YY1: variants seen among roughly 807,000 people sequenced by gnomAD.
The protein encoded by YY1 is transcriptional repressor protein YY1.
Under a neutral mutation model 35.6 loss-of-function variants are expected in YY1, and 2 were observed. The ratio of observed to expected loss-of-function variants is 0.06; its 90% confidence interval spans 0.02 to 0.18. The LOEUF is 0.18. Ranked by LOEUF, YY1 falls within the 10% of genes least tolerant of loss-of-function variation. YY1 has a pLI of 1.00. For synonymous variants in YY1, 268 were observed against 238.9 expected, an observed-to-expected ratio of 1.12 and a Z score of -1.12; for missense variants, 322 against 573.4, an observed-to-expected ratio of 0.56 and a Z score of 4.48.
chr14:100,264,378 T>C (rs1891124628), intron 2 of YY1, among the ~76,000 whole-genome samples: 2 of 152,158 alleles, frequency 1.3e-5, no homozygotes, highest in Non-Finnish European at 2.9e-5. Flanking sequence ...AGTTTCACCA[T>C]GTTGGCCAGC....
intron 2 of YY1, among the ~76,000 whole-genome samples, chr14:100,272,311 A>C (rs1052499941): frequency 6.7e-6 from 1 of 150,212 alleles, no homozygotes; most frequent in African/African-American, 2.4e-5. Context: ...AAAAAAAAAG[A>C]AAGAAAAGGA....
chr14:100,260,936 C>T (rs1351318597), intron 1 of YY1, among the ~76,000 whole-genome samples: 1 of 151,416 alleles, frequency 6.6e-6, no homozygotes, highest in African/African-American at 2.4e-5. Context: ...GCTGGGACTA[C>T]AGGCATGCAC....
At chr14:100,260,359 A>G (rs1286073484) in intron 1 of YY1, among the ~76,000 whole-genome samples, 1 of 150,552 alleles carries the variant, frequency 6.6e-6, no homozygotes, top group Non-Finnish European at 1.5e-5. Flanking sequence ...AGATCTTTTA[A>G]AGGGGATCAA....
At chr14:100,255,097 A>T (rs1890986083) in intron 1 of YY1, among the ~76,000 whole-genome samples, 1 of 151,290 alleles carries the variant, frequency 6.6e-6, no homozygotes, top group South Asian at 2.1e-4. Context: ...GTGCCCAGCC[A>T]GCCTATTTTC....
intron 2 of YY1, among the ~76,000 whole-genome samples, chr14:100,267,494 G>A (rs1891172303): frequency 6.6e-6 from 1 of 151,818 alleles, no homozygotes; most frequent in South Asian, 2.1e-4. Flanking sequence ...GGTGGGTCAA[G>A]GGTTGGGCTC....
At chr14:100,262,265 T>C in intron 1 of YY1, 39 bp from the exon 2 acceptor site, 1 of 1,610,626 alleles carries the variant, frequency 6.2e-7, no homozygotes, top group South Asian at 1.1e-5. Flanking sequence ...TTTTAAAATC[T>C]ATTTACTCAG....
At chr14:100,255,974 C>T (rs1891000004) in intron 1 of YY1, among the ~76,000 whole-genome samples, 1 of 152,094 alleles carries the variant, frequency 6.6e-6, no homozygotes, top group Non-Finnish European at 1.5e-5. Context: ...CTTTCTGGGG[C>T]TTTCAATGCA....
chr14:100,256,204 C>T (rs1314161152), intron 1 of YY1, among the ~76,000 whole-genome samples: 1 of 152,028 alleles, frequency 6.6e-6, no homozygotes, highest in East Asian at 1.9e-4. Flanking sequence ...TCTCTCTGAC[C>T]TAGGTTTCTT....
rs935869103 is a variant in YY1 at position 100,258,588 on chromosome 14, C to T, written c.680-3716C>T. 5.9e-5 allele frequency among the ~76,000 whole-genome samples: 9 copies of T among 152,078 alleles called. No homozygotes were observed. The South Asian group carries it at 6.2e-4, about 10-fold the overall frequency. On this transcript the variant is annotated intron_variant, in intron 1 of 4. Transcript: ENST00000262238. The stretch of plus-strand genomic sequence containing the variant: ...ACCGTGGTCTCGATCATCCTGACCT[C>T]GTGATCCGCCCGCCTCGGCTTCCCA...
intron 2 of YY1, among the ~76,000 whole-genome samples, chr14:100,273,625 A>G (rs933615624): frequency 2.0e-5 from 3 of 152,084 alleles, no homozygotes; most frequent in African/African-American, 7.2e-5. Flanking sequence ...TTGGCCTCCC[A>G]AAGTGCTGGG....
At chr14:100,274,791 A>C in intron 3 of YY1, 33 bp downstream of exon 3, 1 of 1,586,450 alleles carries the variant, frequency 6.3e-7, no homozygotes. Flanking sequence ...TGTTCATTAA[A>C]CTGTTGATGA....
intron 2 of YY1, among the ~76,000 whole-genome samples, chr14:100,273,021 G>A (rs1442010430): frequency 6.7e-6 from 1 of 150,032 alleles, no homozygotes; most frequent in African/African-American, 2.5e-5. Flanking sequence ...GAGTGCAGTG[G>A]CACGATCCCG....
At chr14:100,268,048 G>A (rs959625989) in intron 2 of YY1, among the ~76,000 whole-genome samples, 3 of 152,188 alleles carry the variant, frequency 2.0e-5, no homozygotes, top group South Asian at 2.1e-4. Context: ...ACTCTTGGGG[G>A]CCAGACCACA....
rs552438665 is a variant in YY1, at chr14:100,256,753, G to A, written c.680-5551G>A. Among the ~76,000 whole-genome samples, 17 of 152,228 alleles carry A rather than the reference G, an allele frequency of 1.1e-4. No homozygotes were observed. The South Asian group carries it at 3.1e-3, about 28-fold the overall frequency. ...TGCGGGAATGAAGAAAATATTTTGG[G>A]TATAGATAGTGGTGATGGTTACACA... On this transcript the variant is annotated intron_variant, in intron 1 of 4. Transcript: ENST00000262238.
intron 1 of YY1, among the ~76,000 whole-genome samples, chr14:100,261,929 G>A (rs1021653686): frequency 2.0e-5 from 3 of 152,114 alleles, no homozygotes; most frequent in Non-Finnish European, 4.4e-5. Flanking sequence ...CAGGAGGATC[G>A]CTTGAGTGCA....
rs542402333 is a variant in YY1, at chr14:100,269,159, AT to A, written c.843-5538del. ...TGAGGGGTGTGTTCCTCCTAGTGCC[AT>A]GCTTTCTCCAGTTTCTCAGTCCTTT... On this transcript the variant is annotated intron_variant, in intron 2 of 4. Coordinates refer to ENST00000262238, the MANE Select transcript of YY1 (RefSeq NM_003403.5). Among the ~76,000 whole-genome samples, 22 of 152,316 alleles carry A rather than the reference AT, an allele frequency of 1.4e-4. No individual in the cohort carries two copies. The South Asian group carries it at 3.9e-3, about 27-fold the overall frequency.
At chr14:100,260,277 A>G (rs1395092961) in intron 1 of YY1, among the ~76,000 whole-genome samples, 1 of 149,800 alleles carries the variant, frequency 6.7e-6, no homozygotes, top group African/African-American at 2.5e-5. Flanking sequence ...GGGTTTCATC[A>G]TGTTGGCCAG....
chr14:100,248,147 G>A (rs1183225527), intron 1 of YY1, among the ~76,000 whole-genome samples: 3 of 99,282 alleles, frequency 3.0e-5, no homozygotes, highest in Admixed American at 2.6e-4. Context: ...AGACAGTCTC[G>A]CTCTGTCACC....
At chr14:100,242,039 T>C (rs1890754250) in intron 1 of YY1, among the ~76,000 whole-genome samples, 2 of 151,828 alleles carry the variant, frequency 1.3e-5, no homozygotes, top group African/African-American at 2.4e-5. Flanking sequence ...GTTTTAGTTA[T>C]TGATGAATTT....
Sources: allele counts gnomAD v4.1 joint callset (sites outside exome capture counted in the v4.1 genomes callset), GRCh38; gene constraint gnomAD v4.1.1; transcripts MANE v1.5; gene names NCBI Gene and HGNC (gene_info 2026-07-23, HGNC 2026-07-21).